The following LRRC7 variants were observed in gnomAD, a reference collection of about 807,000 sequenced individuals.
LRRC7 encodes leucine-rich repeat-containing protein 7.
A neutral mutation model predicts 175.7 loss-of-function variants in LRRC7; 23 were observed. The ratio of observed to expected loss-of-function variants is 0.13; its 90% CI spans 0.09 to 0.19. The LOEUF (loss-of-function observed/expected upper bound fraction) is 0.19, where lower values mean the gene tolerates loss of function less well. Ranked by LOEUF, LRRC7 falls within the 10% of genes least tolerant of loss-of-function variation. LRRC7 has a pLI of 1.00. For synonymous variants in LRRC7, 685 were observed against 680.9 expected, an observed-to-expected ratio of 1.01 and a Z score of -0.09; for missense variants, 1,354 against 1,904.7, an observed-to-expected ratio of 0.71 and a Z score of 5.38.
Position 70,134,513 on chromosome 1 carries a change from T to G in LRRC7, c.*12626T>G, listed in dbSNP as rs1159300690. Among the ~76,000 whole-genome samples the G allele has an allele frequency of 6.6e-6, 1 of 152,218 alleles. No individual in the cohort carries two copies. The highest frequency in any genetic ancestry group is 1.9e-4 in the East Asian group (1 of 5,200). On this transcript the variant is annotated 3_prime_UTR_variant, in exon 27 of 27. Transcript: ENST00000651989. ...CTTATATGGGTTTCAGGTGTTCCCC[T>G]GCCAACCATTTAATCTTTTTTTCTT...
intron 4 of LRRC7, among the ~76,000 whole-genome samples, chr1:69,823,118 C>A (rs1051997191): frequency 2.0e-5 from 3 of 152,136 alleles, no homozygotes; most frequent in Non-Finnish European, 4.4e-5. Flanking sequence ...TGATTTTTCT[C>A]TCCCCTCTTA....
At chr1:69,691,494 T>C (rs1276293244) in intron 2 of LRRC7, among the ~76,000 whole-genome samples, 3 of 151,738 alleles carry the variant, frequency 2.0e-5, no homozygotes, top group Non-Finnish European at 4.4e-5. Context: ...TAAAAAGGAA[T>C]GAATTATAAA....
chr1:69,772,577 G>A (rs1386862990), intron 3 of LRRC7, among the ~76,000 whole-genome samples: 1 of 152,220 alleles, frequency 6.6e-6, no homozygotes, highest in Non-Finnish European at 1.5e-5. Flanking sequence ...TCTGGCTGCA[G>A]TGGAAATACA....
chr1:70,036,749 G>A, intron 20 of LRRC7, 125 bp downstream of exon 20: 1 of 1,002,376 alleles, frequency 1.0e-6, no homozygotes, highest in Non-Finnish European at 1.4e-6. Context: ...AGAAGGGGCA[G>A]GTAAGCAAAT....
intron 25 of LRRC7, among the ~76,000 whole-genome samples, chr1:70,107,433 T>C (rs1665219365): frequency 6.6e-6 from 1 of 152,132 alleles, no homozygotes; most frequent in South Asian, 2.1e-4. Context: ...ATTCAGAATT[T>C]ATACAAAAAA....
chr1:70,034,091 T>C (rs909668423), intron 18 of LRRC7, among the ~76,000 whole-genome samples: 5 of 152,098 alleles, frequency 3.3e-5, no homozygotes, highest in African/African-American at 7.2e-5. Context: ...AAAATAGAAA[T>C]AGGATGAAAA....
intron 7 of LRRC7, among the ~76,000 whole-genome samples, chr1:69,838,594 A>G (rs1681377221): frequency 6.6e-6 from 1 of 151,948 alleles, no homozygotes; most frequent in South Asian, 2.1e-4. Flanking sequence ...TAAAAACAAT[A>G]GTGTCACAAG....
At chr1:69,686,674 A>C (rs1661189991) in intron 2 of LRRC7, among the ~76,000 whole-genome samples, 1 of 152,170 alleles carries the variant, frequency 6.6e-6, no homozygotes, top group South Asian at 2.1e-4. Flanking sequence ...AAGGAAAAAG[A>C]AACATAGAAA....
At chr1:70,040,924 ATCTC>A (rs751590552) in intron 21 of LRRC7, among the ~76,000 whole-genome samples, 6 of 152,196 alleles carry the variant, frequency 3.9e-5, no homozygotes, top group Non-Finnish European at 7.4e-5. Context: ...GCCTGTTTGA[ATCTC>A]TCTAAGAGAA....
At chr1:69,971,363 C>T (rs1343297638) in intron 8 of LRRC7, among the ~76,000 whole-genome samples, 2 of 152,068 alleles carry the variant, frequency 1.3e-5, no homozygotes, top group Admixed American at 1.3e-4. Context: ...GATTGTTTAC[C>T]TAGAAAACCC....
intron 7 of LRRC7, among the ~76,000 whole-genome samples, chr1:69,882,362 AT>A (rs1197889613): frequency 6.6e-6 from 1 of 152,192 alleles, no homozygotes; most frequent in African/African-American, 2.4e-5. Context: ...TTCTGTATAT[AT>A]TATAACCAAA....
chr1:69,856,648 G>A (rs1683669030), intron 7 of LRRC7, among the ~76,000 whole-genome samples: 1 of 152,122 alleles, frequency 6.6e-6, no homozygotes. Flanking sequence ...AAAAGTCCAG[G>A]ACCAGACGGA....
rs952405265 is a variant in LRRC7 at position 69,574,389 on chromosome 1, T to G, written c.2+5748T>G. ...ACAAGTCACTGAGAAACTACAGGAT[T>G]TTATGTTATTATATTGAAAAAGATA... On this transcript the variant is annotated intron_variant, in intron 1 of 26. Transcript: ENST00000651989. 4.6e-5 allele frequency among the ~76,000 whole-genome samples: 7 copies of G among 152,002 alleles called. No homozygotes were observed. In the East Asian group the frequency reaches 1.2e-3, roughly 25 times the overall value.
At chr1:69,618,689 C>A (rs1316719940) in intron 1 of LRRC7, among the ~76,000 whole-genome samples, 3 of 152,106 alleles carry the variant, frequency 2.0e-5, no homozygotes, top group African/African-American at 4.8e-5. Context: ...TGTTTGAGCT[C>A]AACTCTTTCT....
chr1:69,879,128 A>G (rs1686313727), intron 7 of LRRC7, among the ~76,000 whole-genome samples: 1 of 149,140 alleles, frequency 6.7e-6, no homozygotes, highest in African/African-American at 2.5e-5. Flanking sequence ...AATATTAGGG[A>G]AAGCTATGCA....
At chr1:69,943,207 C>T (rs560374178) in intron 8 of LRRC7, among the ~76,000 whole-genome samples, 191 of 152,152 alleles carry the variant, frequency 1.3e-3, no homozygotes, top group African/African-American at 4.4e-3. Flanking sequence ...TAGAAATGTC[C>T]ATCACCTGTT....
intron 4 of LRRC7, among the ~76,000 whole-genome samples, chr1:69,795,905 T>TTTG (rs199983200): frequency 4.2e-5 from 6 of 144,388 alleles, no homozygotes; most frequent in Non-Finnish European, 5.9e-5. Flanking sequence ...AAACAGATTT[T>TTTG]TTTTGGGTTT....
At chr1:69,723,840 G>A (rs1275426809) in intron 2 of LRRC7, among the ~76,000 whole-genome samples, 2 of 152,032 alleles carry the variant, frequency 1.3e-5, no homozygotes. Context: ...AGAGTCTCTG[G>A]GGTCGTTTTT....
intron 22 of LRRC7, among the ~76,000 whole-genome samples, chr1:70,049,647 G>A (rs749269916): frequency 1.3e-4 from 20 of 152,090 alleles, no homozygotes; most frequent in East Asian, 5.8e-4. Context: ...GTGGAATTTC[G>A]TTATAATGGA....
Sources: gnomAD v4.1 joint callset for allele counts (sites outside exome capture counted in the v4.1 genomes callset) on GRCh38, gnomAD v4.1.1 for gene constraint, MANE v1.5 for transcripts, NCBI Gene and HGNC (gene_info 2026-07-23, HGNC 2026-07-21) for gene names.